ARHGEF19: variants seen among roughly 807,000 people sequenced by gnomAD.
The protein encoded by ARHGEF19 is Rho guanine nucleotide exchange factor (GEF) 19.
A neutral mutation model predicts 87.6 loss-of-function variants in ARHGEF19; 92 were observed. That is an observed-to-expected ratio of 1.05 (90% CI 0.89 to 1.25). The LOEUF (loss-of-function observed/expected upper bound fraction) is 1.25. Ranked by LOEUF, ARHGEF19 falls within the 50% of genes most tolerant of loss-of-function variation. The pLI is 0.00. For missense variants in ARHGEF19, 1,054 were observed against 1,051.8 expected (o/e 1.00, Z -0.03); for synonymous variants, 438 against 446.2 (o/e 0.98, Z 0.23).
chr1:16,202,741 G>A (rs1296203595), intron 12 of ARHGEF19, among the ~76,000 whole-genome samples, 167 bp from the exon 13 acceptor site: 1 of 152,206 alleles, frequency 6.6e-6, no homozygotes, highest in African/African-American at 2.4e-5. Context: ...GTCCCCACAA[G>A]GAACCAAGAG....
Position 16,208,908 on chromosome 1 carries a change from G to A in ARHGEF19, c.147C>T (p.Asp49=). The A allele has an allele frequency of 6.3e-7, 1 of 1,595,070 alleles. No individual in the cohort carries two copies. Among genetic ancestry groups the A allele is most frequent in the South Asian group, 1.1e-5 (1 of 89,512 alleles). ...ALKPPSPVCL[D]LFPVAPEELR... Reference sequence around the variant, plus strand: ...GCTCCTCTGGGGCAACAGGGAAAAGGTCCAGACACACTGGGCTCGGGGGCT... The same window carrying A: ...GCTCCTCTGGGGCAACAGGGAAAAGATCCAGACACACTGGGCTCGGGGGCT... Residue 49 remains aspartate (D), a synonymous_variant, in exon 2 of 16, where the codon GAC becomes GAT. Coordinates refer to ENST00000270747, the MANE Select transcript of ARHGEF19 (RefSeq NM_153213.5).
chr1:16,208,922 G>A lies in ARHGEF19; in HGVS notation c.133C>T (p.Pro45Ser). ...AELPALKPPS[P>S]VCLDLFPVAP... Reference sequence around the variant, plus strand: ...ACAGGGAAAAGGTCCAGACACACTGGGCTCGGGGGCTTCAGGGCGGGCAGC... The same window carrying A: ...ACAGGGAAAAGGTCCAGACACACTGAGCTCGGGGGCTTCAGGGCGGGCAGC... The change falls in exon 2 of 16, where the codon CCA becomes TCA. Residue 45 changes from proline (P) to serine (S), a missense_variant. By Grantham distance (74) the Pro-to-Ser change is moderately conservative. Coordinates refer to ENST00000270747, the MANE Select transcript of ARHGEF19 (RefSeq NM_153213.5). 6.3e-7 allele frequency: 1 copy of A among 1,587,200 alleles called. No homozygotes were observed. The highest frequency in any genetic ancestry group is 8.6e-7 in the Non-Finnish European group (1 of 1,168,102).
intron 14 of ARHGEF19, among the ~76,000 whole-genome samples, 166 bp downstream of exon 14, chr1:16,201,616 G>T (rs1335341930): frequency 2.0e-5 from 3 of 152,214 alleles, no homozygotes; most frequent in Non-Finnish European, 4.4e-5. Context: ...CCTGTGCTAT[G>T]TAAGTTCTGC....
Position 16,206,108 on chromosome 1 carries a change from G to C in ARHGEF19, c.1299-25C>G. On this transcript the variant is annotated intron_variant, in intron 7 of 15. Transcript: ENST00000270747. This position sits in a 1 kb window ranked among gnomAD's most constrained non-coding sequence, Gnocchi z 4.6. ...CCTGAGGAGTCAGAGCCAGGATGGAGACCCCAGATCTGGGAGCTGGCCAAC... is the reference window on the plus strand; with the variant it reads ...CCTGAGGAGTCAGAGCCAGGATGGACACCCCAGATCTGGGAGCTGGCCAAC... The C allele has an allele frequency of 6.3e-7, 1 of 1,574,928 alleles. No homozygotes were observed. The highest frequency in any genetic ancestry group is 1.7e-4 in the Middle Eastern group (1 of 5,958).
Position 16,206,352 on chromosome 1 carries a change from C to A in ARHGEF19, c.1138-12G>T, listed in dbSNP as rs1392174182. On this transcript the variant is annotated splice_polypyrimidine_tract_variant and intron_variant, in intron 6 of 15. Coordinates refer to ENST00000270747, the MANE Select transcript of ARHGEF19 (RefSeq NM_153213.5). The surrounding 1 kb of genome is among the most constrained non-coding windows in gnomAD (Gnocchi z 4.6). ...AGCTCAAACTTGGCCTGAGGGAGGGCACACACGGGGTCGAAAGGGCAGGAC... is the reference window on the plus strand; with the variant it reads ...AGCTCAAACTTGGCCTGAGGGAGGGAACACACGGGGTCGAAAGGGCAGGAC... 10 of 1,572,944 alleles carry A rather than the reference C, an allele frequency of 6.4e-6. No homozygotes were observed. Among genetic ancestry groups the A allele is most frequent in the Non-Finnish European group, 8.6e-6 (10 of 1,159,332 alleles).
At chr1:16,202,356 G>T in intron 13 of ARHGEF19, 60 bp downstream of exon 13, 1 of 1,524,196 alleles carries the variant, frequency 6.6e-7, no homozygotes, top group East Asian at 2.4e-5. Context: ...CCATCATGGG[G>T]ACGGGGTGCC....
chr1:16,198,467 G>T lies in ARHGEF19; in HGVS notation c.*120C>A. 7.5e-7 allele frequency: 1 copy of T among 1,336,194 alleles called. No homozygotes were observed. Among genetic ancestry groups the T allele is most frequent in the Non-Finnish European group, 1.0e-6 (1 of 993,722 alleles). 82.8% of individuals were successfully genotyped at this position (1,336,194 alleles called of 1,614,324 possible). A position where few individuals can be genotyped will look rare whatever the true frequency, so the allele number is the denominator to read the frequency against. On this transcript the variant is annotated 3_prime_UTR_variant, in exon 16 of 16. Transcript: ENST00000270747. The surrounding 1 kb of genome is among the most constrained non-coding windows in gnomAD (Gnocchi z 4.1). ...CCTGTGTCCAGCCTGTGCCCTCAAT[G>T]CCAAGGCCACAGAAGCGAAGTGCCA...
chr1:16,209,304 A>G (rs2081176393), intron 1 of ARHGEF19, among the ~76,000 whole-genome samples: 1 of 152,188 alleles, frequency 6.6e-6, no homozygotes, highest in Non-Finnish European at 1.5e-5. Context: ...AATCCTCACA[A>G]CAACGCTGTG....
chr1:16,206,253 T>G lies in ARHGEF19; in HGVS notation c.1225A>C (p.Ser409Arg), dbSNP rs2081133837. 6 of 1,593,578 alleles carry G rather than the reference T, an allele frequency of 3.8e-6. No homozygotes were observed. The highest frequency in any genetic ancestry group is 1.1e-5 in the South Asian group (1 of 87,620). The part of the protein sequence containing the change: ...VGHFLGSAEL[S>R]ECLGAQDKQW... ...TTGTCCTGCGCCCCCAGACACTCGC[T>G]CAGCTCGGCAGAGCCTAAGAAGTGG... is the stretch of plus-strand genomic sequence containing the variant. The change falls in exon 7 of 16, where the codon AGC becomes CGC. Residue 409 changes from serine to arginine, a missense_variant. By Grantham distance (110) the Ser-to-Arg change is moderately radical. Transcript: ENST00000270747. This position sits in a 1 kb window ranked among gnomAD's most constrained non-coding sequence, Gnocchi z 4.6.
In ARHGEF19 at chr1:16,198,883, A is replaced by G; in HGVS notation, c.2252-139T>C. The G allele has an allele frequency of 8.6e-7, 1 of 1,156,130 alleles. No individual in the cohort carries two copies. Among genetic ancestry groups the G allele is most frequent in the Non-Finnish European group, 1.2e-6 (1 of 831,248 alleles). The allele number at this position is 1,156,130 out of a possible 1,614,324, so 71.6% of individuals were successfully genotyped here. On this transcript the variant is annotated intron_variant, in intron 15 of 15. Transcript: ENST00000270747. This position sits in a 1 kb window ranked among gnomAD's most constrained non-coding sequence, Gnocchi z 4.1. Reference sequence around the variant, plus strand: ...CATCATCTCAGCATCTCTCAGCTCCAGGAAGGACCCTGTCTTGAGCTGTCT... The same window carrying G: ...CATCATCTCAGCATCTCTCAGCTCCGGGAAGGACCCTGTCTTGAGCTGTCT...
intron 1 of ARHGEF19, among the ~76,000 whole-genome samples, chr1:16,209,309 G>C (rs221061): frequency 0.73 from 111,563 of 152,140 alleles, 41,151 homozygotes; most frequent in East Asian, 0.87. Context: ...TCACAACAAC[G>C]CTGTGAGTTG....
intron 12 of ARHGEF19, among the ~76,000 whole-genome samples, chr1:16,204,357 T>A (rs1367419816): frequency 6.6e-6 from 1 of 152,202 alleles, no homozygotes; most frequent in East Asian, 1.9e-4. Flanking sequence ...GAAGCCTATT[T>A]CCCAGGGAGG....
chr1:16,211,211 A>G (rs981968456), intron 1 of ARHGEF19, among the ~76,000 whole-genome samples: 2 of 152,336 alleles, frequency 1.3e-5, no homozygotes, highest in South Asian at 2.1e-4. Context: ...GATGGGGAAG[A>G]TGAAGGAGTG....
At chr1:16,199,834 C>CTCCCCTCCACTTTCCCTCCCTACTT (rs965661603) in intron 14 of ARHGEF19, among the ~76,000 whole-genome samples, 5 of 151,904 alleles carry the variant, frequency 3.3e-5, no homozygotes, top group Admixed American at 6.6e-5. Flanking sequence ...CCTCCCTACT[C>CTCCCCTCCACTTTCCCTCCCTACTT]TCCCCTCCAC....
chr1:16,206,601 C>T lies in ARHGEF19; in HGVS notation c.1138-261G>A, dbSNP rs221053. The T allele has an allele frequency of 0.3, 121,632 of 399,290 alleles. 16,911 individuals are homozygous for T. The highest frequency in any genetic ancestry group is 0.43 in the Admixed American group (10,435 of 24,512). 24.7% of individuals were successfully genotyped at this position (399,290 alleles called of 1,614,324 possible). A position where few individuals can be genotyped will look rare whatever the true frequency, so the allele number is the denominator to read the frequency against. On this transcript the variant is annotated intron_variant, in intron 6 of 15. Transcript: ENST00000270747. The surrounding 1 kb of genome is among the most constrained non-coding windows in gnomAD (Gnocchi z 4.6). ...CCAGAGCCCCGCCCACCCCCCAGGTCCCGCCCCTGATCCTGGCCCCGCCTT... is the reference window on the plus strand; with the variant it reads ...CCAGAGCCCCGCCCACCCCCCAGGTTCCGCCCCTGATCCTGGCCCCGCCTT...
rs2081063259 is a variant in ARHGEF19 at position 16,199,059 on chromosome 1, G to C, written c.2251+91C>G. ...CACATGCTGTGGCAGATCAACACTT[G>C]CAGAACCTTTCCCTGTGATATCTTA... On this transcript the variant is annotated intron_variant, in intron 15 of 15. Transcript: ENST00000270747. The C allele has an allele frequency of 2.3e-6, 3 of 1,295,332 alleles. No individual in the cohort carries two copies. In the African/African-American group the frequency reaches 4.4e-5, roughly 19 times the overall value. 80.2% of individuals were successfully genotyped at this position (1,295,332 alleles called of 1,614,324 possible). A position where few individuals can be genotyped will look rare whatever the true frequency, so the allele number is the denominator to read the frequency against.
Position 16,201,768 on chromosome 1 carries a change from G to A in ARHGEF19, c.2146+14C>T. Reference sequence around the variant, plus strand: ...TCCAGCCCAGGGATGTAAGCAGCAGGGATGAGCTACTACCTTCCCCCTCAC... The same window carrying A: ...TCCAGCCCAGGGATGTAAGCAGCAGAGATGAGCTACTACCTTCCCCCTCAC... On this transcript the variant is annotated intron_variant, in intron 14 of 15. Coordinates refer to ENST00000270747, the MANE Select transcript of ARHGEF19 (RefSeq NM_153213.5). 6.2e-7 allele frequency: 1 copy of A among 1,612,682 alleles called. No homozygotes were observed. Among genetic ancestry groups the A allele is most frequent in the Non-Finnish European group, 8.5e-7 (1 of 1,179,252 alleles).
chr1:16,204,667 G>C, intron 12 of ARHGEF19, 92 bp downstream of exon 12: 2 of 1,430,274 alleles, frequency 1.4e-6, no homozygotes, highest in South Asian at 1.6e-5. Flanking sequence ...GGGACTCCCA[G>C]GCCCAGGGAT....
At chr1:16,201,965 A>G in intron 13 of ARHGEF19, 104 bp from the exon 14 acceptor site, 1 of 976,768 alleles carries the variant, frequency 1.0e-6, no homozygotes, top group Non-Finnish European at 1.4e-6. Flanking sequence ...GTCCAGGCCT[A>G]GGACCCAGGC....
Sources: allele counts gnomAD v4.1 joint callset (sites outside exome capture counted in the v4.1 genomes callset), GRCh38; gene constraint gnomAD v4.1.1; non-coding constraint Gnocchi (gnomAD v3.1); transcripts MANE v1.5; gene names NCBI Gene and HGNC (gene_info 2026-07-23, HGNC 2026-07-21).